Variants in AUTS2 observed in about 807,000 individuals in gnomAD.
AUTS2 encodes the protein activator of transcription and developmental regulator AUTS2.
A neutral mutation model predicts 112.4 loss-of-function variants in AUTS2; 17 were observed. That is an observed-to-expected ratio of 0.15 (90% confidence interval 0.10 to 0.23). The LOEUF (loss-of-function observed/expected upper bound fraction) is 0.23. Ranked by LOEUF, AUTS2 falls within the 10% of genes least tolerant of loss-of-function variation. The pLI is 1.00. For missense variants in AUTS2, 1,510 were observed against 1,701.6 expected, an observed-to-expected ratio of 0.89 and a Z score of 1.98; for synonymous variants, 751 against 702.7, an observed-to-expected ratio of 1.07 and a Z score of -1.09.
chr7:70,422,959 T>C (rs757435169), intron 4 of AUTS2, among the ~76,000 whole-genome samples: 16 of 152,150 alleles, frequency 1.1e-4, no homozygotes, highest in South Asian at 4.1e-4. Flanking sequence ...TTCACATATA[T>C]GTATTGAGCA....
chr7:70,110,859 C>CTTTTTTTTTTTTT (rs71077618), intron 2 of AUTS2, among the ~76,000 whole-genome samples: 58 of 82,790 alleles, frequency 7.0e-4, no homozygotes, highest in East Asian at 1.3e-3. Context: ...TTCTTTCTTT[C>CTTTTTTTTTTTTT]TTTTTTTTTT....
At chr7:70,710,014 C>T (rs529800116) in intron 6 of AUTS2, among the ~76,000 whole-genome samples, 31 of 152,270 alleles carry the variant, frequency 2.0e-4, no homozygotes, top group African/African-American at 6.7e-4. Flanking sequence ...TAAGGTATTA[C>T]GGTATTAACC....
intron 1 of AUTS2, among the ~76,000 whole-genome samples, chr7:69,629,792 A>G (rs771683106): frequency 6.7e-6 from 1 of 150,000 alleles, no homozygotes; most frequent in Non-Finnish European, 1.5e-5. Flanking sequence ...GCTGGCACAT[A>G]GTTCGGAGTC....
intron 4 of AUTS2, among the ~76,000 whole-genome samples, chr7:70,148,842 C>A (rs1422143845): frequency 1.3e-5 from 2 of 151,904 alleles, no homozygotes; most frequent in Non-Finnish European, 2.9e-5. Context: ...AATAATGTAA[C>A]GTATTTGATT....
intron 1 of AUTS2, among the ~76,000 whole-genome samples, chr7:69,718,666 AACCTTAAT>A (rs1339286752): frequency 2.6e-5 from 4 of 152,102 alleles, no homozygotes; most frequent in African/African-American, 9.7e-5. Flanking sequence ...TTCCATCTCC[AACCTTAAT>A]TCCCCTTTGC....
Position 70,670,789 on chromosome 7 carries a change from C to T in AUTS2, c.691-27780C>T, listed in dbSNP as rs115241642. 4.6e-3 allele frequency among the ~76,000 whole-genome samples: 706 copies of T among 152,290 alleles called. 4 individuals are homozygous for T. Among genetic ancestry groups the T allele is most frequent in the African/African-American group, 0.016 (657 of 41,554 alleles). On this transcript the variant is annotated intron_variant, in intron 5 of 18. Coordinates refer to ENST00000342771, the MANE Select transcript of AUTS2 (RefSeq NM_015570.4). ...TCTGCCCCTCTTTACCCAGTGCCCC[C>T]GCATCCTGTTTTTTGGAATTTGACC...
At chr7:70,457,614 T>C (rs1796797378) in intron 5 of AUTS2, among the ~76,000 whole-genome samples, 1 of 152,156 alleles carries the variant, frequency 6.6e-6, no homozygotes, top group Non-Finnish European at 1.5e-5. Context: ...ATATGTACTT[T>C]TTTTCTGCCT....
intron 1 of AUTS2, among the ~76,000 whole-genome samples, chr7:69,657,124 T>C (rs1207501085): frequency 3.3e-5 from 5 of 152,206 alleles, no homozygotes; most frequent in African/African-American, 1.2e-4. Context: ...CTCCTTCAGC[T>C]TTCCCCTCAG....
intron 2 of AUTS2, among the ~76,000 whole-genome samples, chr7:70,115,742 C>G (rs1805324933): frequency 6.6e-6 from 1 of 152,112 alleles, no homozygotes; most frequent in African/African-American, 2.4e-5. Flanking sequence ...AGGGCCCATG[C>G]CACATGCAAA....
chr7:69,880,387 A>G (rs1793994346), intron 1 of AUTS2, among the ~76,000 whole-genome samples: 1 of 152,218 alleles, frequency 6.6e-6, no homozygotes, highest in Admixed American at 6.5e-5. Flanking sequence ...TGTTAATAGT[A>G]CCTGCATACA....
chr7:70,447,535 C>A (rs1202563448), intron 5 of AUTS2, among the ~76,000 whole-genome samples: 1 of 152,184 alleles, frequency 6.6e-6, no homozygotes, highest in African/African-American at 2.4e-5. Flanking sequence ...GAGGTGGGAA[C>A]TGAATCACAG....
rs147046275 is a variant in AUTS2 at position 70,378,018 on chromosome 7, C to T, written c.661-57734C>T. Reference sequence around the variant, plus strand: ...GTCTTGATCTCCTGACCTTGTGATCCGCCCATCTCAGCCTCCCAAAGTGCT... The same window carrying T: ...GTCTTGATCTCCTGACCTTGTGATCTGCCCATCTCAGCCTCCCAAAGTGCT... On this transcript the variant is annotated intron_variant, in intron 4 of 18. Transcript: ENST00000342771. 6.3e-3 allele frequency among the ~76,000 whole-genome samples: 954 copies of T among 152,036 alleles called. 20 individuals are homozygous for T. The East Asian group carries it at 0.064, about 10-fold the overall frequency.
chr7:70,483,682 G>A (rs963832749), intron 5 of AUTS2, among the ~76,000 whole-genome samples: 1 of 152,142 alleles, frequency 6.6e-6, no homozygotes, highest in South Asian at 2.1e-4. Context: ...TACAGTTGTA[G>A]GATTTATGGA....
chr7:70,582,804 T>C (rs529983830), intron 5 of AUTS2, among the ~76,000 whole-genome samples: 1 of 152,312 alleles, frequency 6.6e-6, no homozygotes, highest in African/African-American at 2.4e-5. Context: ...TTCACTTTTG[T>C]TCATATTGTC....
At chr7:70,241,338 C>T (rs1010471895) in intron 4 of AUTS2, among the ~76,000 whole-genome samples, 1 of 152,082 alleles carries the variant, frequency 6.6e-6, no homozygotes, top group Non-Finnish European at 1.5e-5. Context: ...ACATTACATA[C>T]TTGCCTTTGT....
chr7:70,782,782 C>T (rs1791177419), intron 15 of AUTS2: 1 of 152,210 alleles, frequency 6.6e-6, no homozygotes, highest in African/African-American at 2.4e-5. Context: ...GGCTTTTATC[C>T]AAGACTCACT....
intron 2 of AUTS2, among the ~76,000 whole-genome samples, chr7:69,994,788 A>T (rs1385540897): frequency 6.6e-6 from 1 of 152,204 alleles, no homozygotes; most frequent in South Asian, 2.1e-4. Context: ...CCAGGTAGAC[A>T]TGCAAGAATT....
chr7:70,693,284 G>A (rs1394697328), intron 5 of AUTS2, among the ~76,000 whole-genome samples: 1 of 152,216 alleles, frequency 6.6e-6, no homozygotes, highest in Non-Finnish European at 1.5e-5. Context: ...TGTGCTCTAG[G>A]GGATACAGAC....
chr7:69,794,775 A>G (rs1435271058), intron 1 of AUTS2, among the ~76,000 whole-genome samples: 4 of 152,094 alleles, frequency 2.6e-5, no homozygotes, highest in Non-Finnish European at 5.9e-5. Context: ...AGTGTTATCA[A>G]GGTTACCTGT....
Sources: gnomAD v4.1 joint callset for allele counts (sites outside exome capture counted in the v4.1 genomes callset) on GRCh38, gnomAD v4.1.1 for gene constraint, MANE v1.5 for transcripts, NCBI Gene and HGNC (gene_info 2026-07-23, HGNC 2026-07-21) for gene names.